SHTN1: variants seen among roughly 807,000 people sequenced by gnomAD.
SHTN1 encodes shootin 1, also known as shootin-1.
SHTN1 carries 42 observed loss-of-function variants against 83.1 expected under a neutral mutation model. That is an observed-to-expected ratio of 0.51 (90% CI 0.39 to 0.65). The LOEUF (loss-of-function observed/expected upper bound fraction) is 0.65. SHTN1 is among the 30% of genes least tolerant of loss of function. SHTN1 has a pLI of 0.00. For synonymous variants in SHTN1, 224 were observed against 247.7 expected, an observed-to-expected ratio of 0.90 and a Z score of 0.90; for missense variants, 622 against 737.8, an observed-to-expected ratio of 0.84 and a Z score of 1.82.
At chr10:117,078,125 C>G (rs1327174573) in intron 1 of SHTN1, among the ~76,000 whole-genome samples, 1 of 152,166 alleles carries the variant, frequency 6.6e-6, no homozygotes, top group African/African-American at 2.4e-5. Flanking sequence ...CCCAGATCAG[C>G]TGCAGACAAG....
chr10:117,030,145 C>T (rs1852391717), intron 2 of SHTN1, among the ~76,000 whole-genome samples: 1 of 152,142 alleles, frequency 6.6e-6, no homozygotes, highest in Non-Finnish European at 1.5e-5. Context: ...CCTTGGCCTC[C>T]CAAAGTGCTG....
At chr10:116,890,776 C>T (rs2133302496) in intron 16 of SHTN1, among the ~76,000 whole-genome samples, 1 of 152,352 alleles carries the variant, frequency 6.6e-6, no homozygotes, top group East Asian at 1.9e-4. Flanking sequence ...AAGGAAAGAC[C>T]TGACTCCAAA....
intron 1 of SHTN1, chr10:117,048,579 C>A (rs891735181): frequency 1.3e-5 from 7 of 528,312 alleles, no homozygotes; most frequent in Admixed American, 1.3e-4. Flanking sequence ...AAGCATACTG[C>A]ATATTAAACG....
intron 1 of SHTN1, among the ~76,000 whole-genome samples, chr10:117,087,347 G>T (rs576413104): frequency 3.9e-5 from 6 of 152,184 alleles, no homozygotes; most frequent in Non-Finnish European, 8.8e-5. Flanking sequence ...CGGGTACAAA[G>T]ATTTCACACA....
intron 1 of SHTN1, among the ~76,000 whole-genome samples, chr10:117,122,646 A>T (rs1349479343): frequency 6.6e-6 from 1 of 152,194 alleles, no homozygotes; most frequent in African/African-American, 2.4e-5. Context: ...GACATGACTT[A>T]TGAAATCCTA....
At chr10:117,114,033 C>T (rs1377439908) in intron 1 of SHTN1, among the ~76,000 whole-genome samples, 2 of 151,856 alleles carry the variant, frequency 1.3e-5, no homozygotes, top group South Asian at 2.1e-4. Flanking sequence ...GACGACAGAG[C>T]GAGACTCCGT....
chr10:116,990,688 T>A (rs1011108565), intron 1 of SHTN1, among the ~76,000 whole-genome samples: 1 of 152,190 alleles, frequency 6.6e-6, no homozygotes, highest in Non-Finnish European at 1.5e-5. Flanking sequence ...AGGCTTATTG[T>A]TAGCAAACCC....
chr10:117,005,336 A>T, upstream of SHTN1: 1 of 1,280,688 alleles, frequency 7.8e-7, no homozygotes, highest in Non-Finnish European at 9.9e-7. Flanking sequence ...TGGAGGAACG[A>T]GGGCGGGTCG....
At chr10:116,967,209 C>G (rs1179168244) in intron 3 of SHTN1, among the ~76,000 whole-genome samples, 1 of 152,124 alleles carries the variant, frequency 6.6e-6, no homozygotes, top group Non-Finnish European at 1.5e-5. Context: ...TGACCCTTTG[C>G]CTATGACATA....
At chr10:117,020,639 C>G (rs1238616862) in intron 2 of SHTN1, among the ~76,000 whole-genome samples, 1 of 151,798 alleles carries the variant, frequency 6.6e-6, no homozygotes, top group African/African-American at 2.4e-5. Context: ...ATTCCTACCT[C>G]CACCATATTA....
At chr10:116,999,826 T>A (rs1390113396) in intron 1 of SHTN1, among the ~76,000 whole-genome samples, 3 of 152,086 alleles carry the variant, frequency 2.0e-5, no homozygotes, top group Non-Finnish European at 4.4e-5. Context: ...GGCGGAAGAA[T>A]TGCTTGAACC....
intron 2 of SHTN1, among the ~76,000 whole-genome samples, chr10:117,042,378 C>A (rs1852595541): frequency 6.6e-6 from 1 of 152,292 alleles, no homozygotes; most frequent in East Asian, 1.9e-4. Context: ...CTGAGGTTCT[C>A]CTTATCCTCC....
chr10:116,963,172 C>T (rs1032931357), intron 3 of SHTN1, among the ~76,000 whole-genome samples: 3 of 144,914 alleles, frequency 2.1e-5, no homozygotes, highest in Non-Finnish European at 4.5e-5. Context: ...CCCGGGTTCA[C>T]GCCATTCTCC....
chr10:117,059,387 T>C (rs761860380), intron 1 of SHTN1, among the ~76,000 whole-genome samples: 4 of 152,192 alleles, frequency 2.6e-5, no homozygotes, highest in Non-Finnish European at 5.9e-5. Context: ...TGAATACTTA[T>C]GAATACTTAA....
intron 2 of SHTN1, among the ~76,000 whole-genome samples, chr10:117,016,686 C>T (rs961182923): frequency 3.0e-5 from 4 of 135,260 alleles, no homozygotes; most frequent in African/African-American, 8.5e-5. Flanking sequence ...GGATTACAGG[C>T]GTGAGCCATC....
Position 117,036,931 on chromosome 10 carries a change from T to C in SHTN1, c.-123+11514A>G, listed in dbSNP as rs575634793. Among the ~76,000 whole-genome samples the C allele has an allele frequency of 7.4e-4, 112 of 152,190 alleles. 2 individuals carry two copies. The South Asian group carries it at 0.022, about 30-fold the overall frequency. On this transcript the variant is annotated intron_variant, in intron 2 of 17. Coordinates refer to the SHTN1 transcript ENST00000392901. ...CCTTCTATGTATGCACAAAAAACAA[T>C]AAATGGACGACCTTATACAGATTTA...
At chr10:117,046,592 T>C (rs1254717187) in intron 2 of SHTN1, among the ~76,000 whole-genome samples, 2 of 152,320 alleles carry the variant, frequency 1.3e-5, no homozygotes, top group Admixed American at 1.3e-4. Context: ...GTATTGTTCA[T>C]AAGAGTCAAG....
At chr10:117,005,296 G>A, upstream of SHTN1, 1 of 1,421,030 alleles carries the variant, frequency 7.0e-7, no homozygotes, top group Non-Finnish European at 9.2e-7. Context: ...CAGGCGGGGC[G>A]GGGCGGGCCC....
intron 2 of SHTN1, among the ~76,000 whole-genome samples, chr10:117,047,338 T>C (rs1266669698): frequency 2.6e-5 from 4 of 152,128 alleles, no homozygotes; most frequent in Non-Finnish European, 4.4e-5. Context: ...GTGCTGGGAT[T>C]ACAGGCGTGA....
Sources: allele counts gnomAD v4.1 joint callset (sites outside exome capture counted in the v4.1 genomes callset), GRCh38; gene constraint gnomAD v4.1.1; transcripts MANE v1.5; gene names NCBI Gene and HGNC (gene_info 2026-07-23, HGNC 2026-07-21).